Variants in GALM observed in about 807,000 individuals in gnomAD.
GALM encodes aldose 1-epimerase.
GALM carries 43 observed loss-of-function variants against 37.4 expected under a neutral mutation model. The observed-to-expected ratio is 1.15, with a 90% confidence interval of 0.90 to 1.48. The LOEUF (loss-of-function observed/expected upper bound fraction) is 1.48. GALM is among the 40% of genes most tolerant of loss of function. The pLI is 0.00. For missense variants in GALM, 456 were observed against 419.1 expected, an observed-to-expected ratio of 1.09 and a Z score of -0.77; for synonymous variants, 199 against 170.6, an observed-to-expected ratio of 1.17 and a Z score of -1.30.
At chr2:38,708,420 C>T (rs1250702897) in intron 4 of GALM, among the ~76,000 whole-genome samples, 1 of 152,200 alleles carries the variant, frequency 6.6e-6, no homozygotes, top group Non-Finnish European at 1.5e-5. Context: ...GAAGCTACCT[C>T]AGTGAGTTAA....
chr2:38,695,509 CT>C (rs1665786178), intron 4 of GALM, among the ~76,000 whole-genome samples: 1 of 152,154 alleles, frequency 6.6e-6, no homozygotes, highest in Non-Finnish European at 1.5e-5. Context: ...CCTGGGGTGG[CT>C]GCTTGGTTGT....
intron 2 of GALM, among the ~76,000 whole-genome samples, 176 bp downstream of exon 2, chr2:38,676,242 A>G (rs879478772): frequency 9.9e-5 from 15 of 152,080 alleles, no homozygotes; most frequent in Non-Finnish European, 2.1e-4. Flanking sequence ...ATCCTTCTCT[A>G]GTTCATCTGT....
intron 4 of GALM, among the ~76,000 whole-genome samples, chr2:38,692,371 C>G (rs1349106496): frequency 1.3e-5 from 2 of 152,298 alleles, no homozygotes; most frequent in Non-Finnish European, 1.5e-5. Context: ...GTCTGGCCCA[C>G]TTTCCACTGA....
rs374668778 is a variant in GALM at position 38,710,567 on chromosome 2, A to G, written c.635-18989A>G. On this transcript the variant is annotated intron_variant, in intron 4 of 6. Coordinates refer to ENST00000272252, the MANE Select transcript of GALM (RefSeq NM_138801.3). ...GCAAAACATGCCAGGTCCTCTGGCT[A>G]TTATTTAAAAAATTTGTTGTAGAGG... 2.0e-4 allele frequency among the ~76,000 whole-genome samples: 31 copies of G among 152,182 alleles called. 1 individual carries two copies. The South Asian group carries it at 2.3e-3, about 11-fold the overall frequency.
intron 2 of GALM, among the ~76,000 whole-genome samples, chr2:38,678,982 CTTTA>C (rs3084494): frequency 1.3e-5 from 2 of 151,930 alleles, no homozygotes; most frequent in South Asian, 2.1e-4. Flanking sequence ...ACATGTATAA[CTTTA>C]TTTATTTATT....
chr2:38,686,252 C>CTTTA (rs1204229181), intron 3 of GALM, among the ~76,000 whole-genome samples: 1 of 123,996 alleles, frequency 8.1e-6, no homozygotes, highest in Non-Finnish European at 1.6e-5. Context: ...TTCTTTCTTT[C>CTTTA]TTTCTTTCTT....
chr2:38,675,251 G>T (rs1460119703), intron 1 of GALM, among the ~76,000 whole-genome samples: 1 of 152,168 alleles, frequency 6.6e-6, no homozygotes, highest in East Asian at 1.9e-4. Flanking sequence ...AAAGATGGAA[G>T]AGTGTGTGCA....
In GALM at chr2:38,723,152, G is replaced by T. The variant is rs80018663; in HGVS notation, c.635-6404G>T. On this transcript the variant is annotated intron_variant, in intron 4 of 6. Transcript: ENST00000272252. ...ATAGGGCACAATTCTTGCCCTTTAGGACCTCACTTTCCTTATAGACACATC... is the reference window on the plus strand; with the variant it reads ...ATAGGGCACAATTCTTGCCCTTTAGTACCTCACTTTCCTTATAGACACATC... Among the ~76,000 whole-genome samples the T allele has an allele frequency of 7.2e-3, 1,096 of 152,242 alleles. 11 individuals carry two copies. The highest frequency in any genetic ancestry group is 0.026 in the African/African-American group (1,063 of 41,536).
intron 5 of GALM, 91 bp downstream of exon 5, chr2:38,729,788 G>C: frequency 9.3e-7 from 1 of 1,070,364 alleles, no homozygotes; most frequent in Non-Finnish European, 1.4e-6. Context: ...CATATCAATA[G>C]CATTTACTAT....
At chr2:38,730,303 G>A (rs1666576351) in intron 5 of GALM, among the ~76,000 whole-genome samples, 1 of 152,210 alleles carries the variant, frequency 6.6e-6, no homozygotes. Context: ...GTCTTGCTCT[G>A]TCGCCCAGAC....
intron 4 of GALM, among the ~76,000 whole-genome samples, chr2:38,701,617 C>T (rs542416681): frequency 2.0e-5 from 3 of 152,100 alleles, no homozygotes; most frequent in Non-Finnish European, 4.4e-5. Flanking sequence ...TGGTAGGAAA[C>T]GCTTGCCATG....
rs1393053355 is a variant in GALM at position 38,681,267 on chromosome 2, C to T, written c.346-13C>T. ...TGGAGCAACTACACAACTTTGAAAA[C>T]ACTTTTTTCCAGGTGCTCTGGACCC... On this transcript the variant is annotated splice_polypyrimidine_tract_variant and intron_variant, in intron 2 of 6. Coordinates refer to ENST00000272252, the MANE Select transcript of GALM (RefSeq NM_138801.3). 6.2e-7 allele frequency: 1 copy of T among 1,610,276 alleles called. No individual in the cohort carries two copies. The highest frequency in any genetic ancestry group is 1.7e-5 in the Admixed American group (1 of 60,004).
intron 2 of GALM, among the ~76,000 whole-genome samples, chr2:38,679,481 T>C (rs1665341759): frequency 6.6e-6 from 1 of 152,248 alleles, no homozygotes; most frequent in Non-Finnish European, 1.5e-5. Flanking sequence ...AAATTGCCAG[T>C]GTTCAACTGT....
At chr2:38,723,578 CAGG>C (rs1202271927) in intron 4 of GALM, among the ~76,000 whole-genome samples, 1 of 152,056 alleles carries the variant, frequency 6.6e-6, no homozygotes, top group East Asian at 1.9e-4. Flanking sequence ...CACTTGAAGC[CAGG>C]AGTTCAAGAC....
At chr2:38,712,267 G>C (rs1169357148) in intron 4 of GALM, among the ~76,000 whole-genome samples, 1 of 152,182 alleles carries the variant, frequency 6.6e-6, no homozygotes, top group African/African-American at 2.4e-5. Context: ...CAAGGTCAGA[G>C]GCCATGTGGC....
chr2:38,686,118 G>A (rs1572518539), intron 3 of GALM, among the ~76,000 whole-genome samples: 1 of 150,972 alleles, frequency 6.6e-6, no homozygotes, highest in East Asian at 1.9e-4. Flanking sequence ...TCTCCTCCTA[G>A]GCTTCTTCCT....
rs1473199525 is a variant in GALM, at chr2:38,705,953, T to C, written c.634+16059T>C. ...AACTTCCCGCTCTGGGTTCAAGCTA[T>C]TCTCCCACCTCAGCCTCCCGAGTAG... On this transcript the variant is annotated intron_variant, in intron 4 of 6. Transcript: ENST00000272252. Among the ~76,000 whole-genome samples, 2 of 152,120 alleles carry C rather than the reference T, an allele frequency of 1.3e-5. 1 individual carries two copies. Among genetic ancestry groups the C allele is most frequent in the Non-Finnish European group, 2.9e-5 (2 of 68,012 alleles).
At chr2:38,693,538 A>G (rs1369813940) in intron 4 of GALM, among the ~76,000 whole-genome samples, 3 of 152,006 alleles carry the variant, frequency 2.0e-5, no homozygotes, top group Non-Finnish European at 4.4e-5. Context: ...GCCATACTCC[A>G]TTAAGACTTC....
chr2:38,681,119 G>A (rs1278614708), intron 2 of GALM, among the ~76,000 whole-genome samples, 161 bp from the exon 3 acceptor site: 3 of 145,324 alleles, frequency 2.1e-5, no homozygotes, highest in African/African-American at 8.1e-5. Flanking sequence ...AACATAGTGA[G>A]ACCCTGTCTC....
Sources: gnomAD v4.1 joint callset for allele counts (sites outside exome capture counted in the v4.1 genomes callset) on GRCh38, gnomAD v4.1.1 for gene constraint, MANE v1.5 for transcripts, NCBI Gene and HGNC (gene_info 2026-07-23, HGNC 2026-07-21) for gene names.